Variants in PTPRT observed in about 807,000 individuals in gnomAD.
The protein encoded by PTPRT is protein tyrosine phosphatase receptor type T, also known as receptor-type tyrosine-protein phosphatase T.
In PTPRT, 56 loss-of-function variants were observed where a neutral mutation model predicts 176.8. The ratio of observed to expected loss-of-function variants is 0.32; its 90% CI spans 0.26 to 0.40. PTPRT has a LOEUF of 0.40. PTPRT is among the 10% of genes least tolerant of loss of function. The pLI, the probability that PTPRT is intolerant of heterozygous loss-of-function variation, is 1.00. For missense variants in PTPRT, 1,540 were observed against 1,908.2 expected (o/e 0.81, Z 3.60); for synonymous variants, 783 against 739.0 (o/e 1.06, Z -0.96).
rs573746850 is a variant in PTPRT at position 42,343,707 on chromosome 20, G to C, written c.1865+6921C>G. Among the ~76,000 whole-genome samples the C allele has an allele frequency of 1.4e-4, 22 of 152,338 alleles. No individual in the cohort carries two copies. The South Asian group carries it at 4.4e-3, about 30-fold the overall frequency. On this transcript the variant is annotated intron_variant, in intron 11 of 30. Transcript: ENST00000373187. ...AATGTTGTTTTGAAGATCACCCCTG[G>C]AGATGAGTGTAGGTTTCCTGATGTG...
intron 1 of PTPRT, among the ~76,000 whole-genome samples, chr20:42,983,273 C>G (rs750634233): frequency 6.6e-6 from 1 of 152,200 alleles, no homozygotes; most frequent in African/African-American, 2.4e-5. Flanking sequence ...TGCTAAAATG[C>G]CCTACAACTC....
chr20:42,760,061 T>C (rs1314224664), intron 5 of PTPRT, among the ~76,000 whole-genome samples: 1 of 152,190 alleles, frequency 6.6e-6, no homozygotes, highest in Non-Finnish European at 1.5e-5. Context: ...CCAGAGTGGA[T>C]GGTACCTTGT....
At position 42,987,461 on chromosome 20, in the gene PTPRT, C is replaced by T. The variant is rs764319842; in HGVS notation, c.89-101529G>A. Among the ~76,000 whole-genome samples the T allele has an allele frequency of 1.3e-3, 198 of 152,348 alleles. 6 individuals are homozygous for T. The highest frequency in any genetic ancestry group is 9.8e-4 in the Admixed American group (15 of 15,308). ...CTGTCTGCAGCTCTGGCTTAGCTGACAAAATCCCAACCCCTCATGGGGCCT... is the reference window on the plus strand; with the variant it reads ...CTGTCTGCAGCTCTGGCTTAGCTGATAAAATCCCAACCCCTCATGGGGCCT... On this transcript the variant is annotated intron_variant, in intron 1 of 30. Coordinates refer to ENST00000373187, the MANE Select transcript of PTPRT (RefSeq NM_007050.6).
intron 1 of PTPRT, among the ~76,000 whole-genome samples, chr20:43,188,427 C>A (rs1012584637): frequency 4.6e-5 from 7 of 152,196 alleles, no homozygotes; most frequent in Non-Finnish European, 5.9e-5. Context: ...GCATTTCCAA[C>A]GGAATGTCCT....
intron 7 of PTPRT, among the ~76,000 whole-genome samples, chr20:42,503,901 A>G (rs1436519918): frequency 6.6e-6 from 1 of 152,106 alleles, no homozygotes; most frequent in Non-Finnish European, 1.5e-5. Context: ...TCTCAAATCT[A>G]TAACCTGATT....
At chr20:42,539,985 C>T (rs561643171) in intron 7 of PTPRT, among the ~76,000 whole-genome samples, 1 of 151,996 alleles carries the variant, frequency 6.6e-6, no homozygotes, top group Non-Finnish European at 1.5e-5. Flanking sequence ...AGAGAATAAC[C>T]AACAAAACAG....
chr20:43,095,399 C>T (rs1217997287), intron 1 of PTPRT, among the ~76,000 whole-genome samples: 2 of 152,006 alleles, frequency 1.3e-5, no homozygotes, highest in African/African-American at 2.4e-5. Context: ...GAGTTAGTGG[C>T]CAGATGGGGT....
At chr20:42,815,802 C>A (rs975489712) in intron 2 of PTPRT, among the ~76,000 whole-genome samples, 3 of 152,140 alleles carry the variant, frequency 2.0e-5, no homozygotes, top group Non-Finnish European at 2.9e-5. Flanking sequence ...GTCACCATAA[C>A]TTCAAATTTT....
At chr20:42,530,132 A>T (rs577604276) in intron 7 of PTPRT, among the ~76,000 whole-genome samples, 1 of 152,202 alleles carries the variant, frequency 6.6e-6, no homozygotes, top group African/African-American at 2.4e-5. Flanking sequence ...ATCTTGAGAA[A>T]AGAGAAGGCT....
intron 1 of PTPRT, among the ~76,000 whole-genome samples, chr20:42,989,509 G>A (rs1260394491): frequency 6.6e-6 from 1 of 152,202 alleles, no homozygotes; most frequent in Non-Finnish European, 1.5e-5. Context: ...TTCCCAGTGA[G>A]GCTGACAAGG....
At chr20:42,566,059 A>G (rs1181978576) in intron 7 of PTPRT, among the ~76,000 whole-genome samples, 1 of 152,116 alleles carries the variant, frequency 6.6e-6, no homozygotes, top group Non-Finnish European at 1.5e-5. Context: ...TGTGGCTTCA[A>G]GACAAGGCTT....
At chr20:42,797,779 G>A (rs532336909) in intron 2 of PTPRT, among the ~76,000 whole-genome samples, 7 of 152,282 alleles carry the variant, frequency 4.6e-5, no homozygotes, top group Admixed American at 3.3e-4. Flanking sequence ...AGGGGGCCAG[G>A]AGAGTCAGAA....
At chr20:43,061,617 C>G (rs953774616) in intron 1 of PTPRT, among the ~76,000 whole-genome samples, 3 of 152,208 alleles carry the variant, frequency 2.0e-5, no homozygotes, top group Admixed American at 6.5e-5. Context: ...ATAGTAATTG[C>G]CAATATCTAC....
At chr20:42,740,072 G>C (rs1403973961) in intron 6 of PTPRT, among the ~76,000 whole-genome samples, 1 of 152,158 alleles carries the variant, frequency 6.6e-6, no homozygotes, top group South Asian at 2.1e-4. Context: ...ACCCTGTCAG[G>C]GATAGGCAGA....
the PTPRT span, among the ~76,000 whole-genome samples, chr20:42,056,455 G>A: frequency 6.6e-6 from 1 of 152,316 alleles, no homozygotes; most frequent in South Asian, 2.1e-4. Flanking sequence ...ATCTTTGGAG[G>A]CTGTATCCCT....
chr20:42,303,483 G>A (rs963059405), intron 12 of PTPRT, among the ~76,000 whole-genome samples: 2 of 152,066 alleles, frequency 1.3e-5, no homozygotes, highest in African/African-American at 4.8e-5. Flanking sequence ...ACTAGGGCTC[G>A]GCATGAAACG....
At chr20:42,081,771 T>C (rs1201622846) in intron 30 of PTPRT, 111 bp downstream of exon 30, 1 of 1,360,136 alleles carries the variant, frequency 7.4e-7, no homozygotes, top group Non-Finnish European at 1.0e-6. Context: ...AGAATGCAGG[T>C]ATACAATTAG....
At chr20:42,034,120 G>T in the PTPRT span, among the ~76,000 whole-genome samples, 1 of 152,158 alleles carries the variant, frequency 6.6e-6, no homozygotes, top group Non-Finnish European at 1.5e-5. Flanking sequence ...GCACAACTTA[G>T]CTGGGTCTTT....
intron 11 of PTPRT, among the ~76,000 whole-genome samples, chr20:42,350,311 C>T (rs563202985): frequency 1.4e-5 from 2 of 147,070 alleles, no homozygotes; most frequent in Non-Finnish European, 3.0e-5. Flanking sequence ...TCACTACACT[C>T]TTGGTCTTCC....
Sources: gnomAD v4.1 joint callset for allele counts (sites outside exome capture counted in the v4.1 genomes callset) on GRCh38, gnomAD v4.1.1 for gene constraint, MANE v1.5 for transcripts, NCBI Gene and HGNC (gene_info 2026-07-23, HGNC 2026-07-21) for gene names.